The following FBXO11 variants were observed in gnomAD, a reference collection of about 807,000 sequenced individuals.
The protein encoded by FBXO11 is F-box only protein 11.
FBXO11 carries 13 observed loss-of-function variants against 117.0 expected under a neutral mutation model. The ratio of observed to expected loss-of-function variants is 0.11; its 90% CI spans 0.07 to 0.18. The LOEUF (loss-of-function observed/expected upper bound fraction) is 0.18, where lower values mean the gene tolerates loss of function less well. Among genes scored for constraint, FBXO11 ranks in the 10% least tolerant of loss-of-function variants. The probability of loss-of-function intolerance (pLI) is 1.00; values close to 1 mark genes in which losing one functional copy is unlikely to be tolerated. For missense variants in FBXO11, 767 were observed against 1,164.4 expected (o/e 0.66, Z 4.97); for synonymous variants, 490 against 380.5 (o/e 1.29, Z -3.35).
chr2:47,820,508 A>C (rs149306641), intron 13 of FBXO11, 52 bp from the exon 14 acceptor site: 1 of 1,408,940 alleles, frequency 7.1e-7, no homozygotes, highest in African/African-American at 1.4e-5. Context: ...TAGAGAATAC[A>C]GTAAGGATTT....
At chr2:47,821,716 C>T (rs1171408220) in intron 13 of FBXO11, among the ~76,000 whole-genome samples, 1 of 151,968 alleles carries the variant, frequency 6.6e-6, no homozygotes, top group Admixed American at 6.6e-5. Flanking sequence ...ACCTGGGAGG[C>T]AGGGGTTGCT....
intron 11 of FBXO11, among the ~76,000 whole-genome samples, chr2:47,829,232 TTTTA>T (rs575032266): frequency 6.0e-5 from 9 of 151,202 alleles, no homozygotes; most frequent in African/African-American, 1.2e-4. Context: ...TGCTATGACA[TTTTA>T]TTTATTTATT....
intron 1 of FBXO11, among the ~76,000 whole-genome samples, chr2:47,873,042 T>C (rs565695854): frequency 1.7e-4 from 26 of 152,298 alleles, no homozygotes; most frequent in South Asian, 6.2e-4. Context: ...ACTGCTATTG[T>C]AGAGTAATAA....
intron 1 of FBXO11, among the ~76,000 whole-genome samples, chr2:47,857,295 T>C (rs1014738555): frequency 6.6e-6 from 1 of 151,954 alleles, no homozygotes; most frequent in Non-Finnish European, 1.5e-5. Flanking sequence ...TTTTTTTTTT[T>C]AAATCAGCAG....
intron 2 of FBXO11, 70 bp downstream of exon 2, chr2:47,839,572 T>G: frequency 6.2e-7 from 1 of 1,600,812 alleles, no homozygotes; most frequent in Non-Finnish European, 8.5e-7. Context: ...TAAAAAAGGA[T>G]GACATTCCCT....
intron 1 of FBXO11, among the ~76,000 whole-genome samples, chr2:47,878,482 G>C (rs374868743): frequency 1.3e-5 from 2 of 151,508 alleles, no homozygotes; most frequent in Non-Finnish European, 2.9e-5. Context: ...TCAGCCTCCC[G>C]AGTAGCTGGG....
At chr2:47,874,373 C>G (rs1363883852) in intron 1 of FBXO11, among the ~76,000 whole-genome samples, 2 of 152,008 alleles carry the variant, frequency 1.3e-5, no homozygotes, top group Admixed American at 6.6e-5. Context: ...CATTTACTAC[C>G]TGGGTCCAAA....
At chr2:47,890,425 A>T (rs1158988807) in intron 1 of FBXO11, among the ~76,000 whole-genome samples, 1 of 152,210 alleles carries the variant, frequency 6.6e-6, no homozygotes, top group Non-Finnish European at 1.5e-5. Flanking sequence ...AATATGTAAC[A>T]TTTAAGCTTT....
At chr2:47,847,924 A>G (rs1267138881) in intron 1 of FBXO11, among the ~76,000 whole-genome samples, 7 of 151,976 alleles carry the variant, frequency 4.6e-5, no homozygotes, top group African/African-American at 1.7e-4. Context: ...GGAGATTGAG[A>G]CCATCCTGGC....
intron 1 of FBXO11, among the ~76,000 whole-genome samples, chr2:47,887,049 A>C (rs1347983593): frequency 6.6e-6 from 1 of 151,600 alleles, no homozygotes; most frequent in Non-Finnish European, 1.5e-5. Flanking sequence ...ACTTTTGGAG[A>C]CTGAGGTGGG....
chr2:47,815,707 G>A (rs2104678585), intron 16 of FBXO11, among the ~76,000 whole-genome samples: 1 of 152,316 alleles, frequency 6.6e-6, no homozygotes, highest in East Asian at 1.9e-4. Flanking sequence ...CCTCTTCAAA[G>A]CTGAAATTCA....
At chr2:47,833,604 A>AC (rs1672338459) in intron 7 of FBXO11, among the ~76,000 whole-genome samples, 1 of 152,220 alleles carries the variant, frequency 6.6e-6, no homozygotes, top group Non-Finnish European at 1.5e-5. Flanking sequence ...TATCCTCAAA[A>AC]TAAAAAAACC....
intron 1 of FBXO11, among the ~76,000 whole-genome samples, chr2:47,902,594 C>G (rs752090753): frequency 2.6e-4 from 39 of 152,042 alleles, no homozygotes; most frequent in Non-Finnish European, 5.1e-4. Flanking sequence ...CACATACACA[C>G]GTGTGTATGT....
intron 21 of FBXO11, 83 bp from the exon 22 acceptor site, chr2:47,808,510 C>G: frequency 7.8e-7 from 1 of 1,289,766 alleles, no homozygotes; most frequent in Non-Finnish European, 1.0e-6. Flanking sequence ...TTACTATGAC[C>G]TTTGGCTTTA....
At chr2:47,895,751 G>A (rs1677611741) in intron 1 of FBXO11, among the ~76,000 whole-genome samples, 1 of 152,060 alleles carries the variant, frequency 6.6e-6, no homozygotes. Flanking sequence ...GGAGTGCAGT[G>A]GCATGATCTG....
intron 1 of FBXO11, among the ~76,000 whole-genome samples, chr2:47,902,848 T>C (rs951595879): frequency 2.0e-5 from 3 of 151,922 alleles, no homozygotes; most frequent in African/African-American, 7.3e-5. Context: ...AGTTGTCTGA[T>C]CCACTATTAA....
chr2:47,874,973 C>G (rs1177491114), intron 1 of FBXO11, among the ~76,000 whole-genome samples: 1 of 146,936 alleles, frequency 6.8e-6, no homozygotes, highest in East Asian at 2.0e-4. Context: ...TTTTCTTTGT[C>G]AAAACGTCTT....
chr2:47,835,659 G>A (rs1398167562), intron 5 of FBXO11, among the ~76,000 whole-genome samples: 7 of 151,978 alleles, frequency 4.6e-5, no homozygotes, highest in South Asian at 2.1e-4. Context: ...CACCATGTCC[G>A]GCTAATTTTT....
Position 47,807,261 on chromosome 2 carries a change from T to G in FBXO11, c.*857A>C. 1 of 225,868 alleles carries G rather than the reference T, an allele frequency of 4.4e-6. No individual in the cohort carries two copies. The highest frequency in any genetic ancestry group is 8.8e-6 in the Non-Finnish European group (1 of 113,128). The allele number at this position is 225,868 out of a possible 1,614,324, so 14.0% of individuals were successfully genotyped here. A position where few individuals can be genotyped will look rare whatever the true frequency, so the allele number is the denominator to read the frequency against. On this transcript the variant is annotated 3_prime_UTR_variant, in exon 23 of 23. Transcript: ENST00000403359. ...GAGTTCAAATACAGGACTGTTTGTT[T>G]TGAAGAGACTTTCTAAAGTGTACTT...
Sources: gnomAD v4.1 joint callset for allele counts (sites outside exome capture counted in the v4.1 genomes callset) on GRCh38, gnomAD v4.1.1 for gene constraint, MANE v1.5 for transcripts, NCBI Gene and HGNC (gene_info 2026-07-23, HGNC 2026-07-21) for gene names.